The following COBL variants were observed in gnomAD, a reference collection of about 807,000 sequenced individuals.
COBL encodes protein cordon-bleu.
In COBL, 51 loss-of-function variants were observed where a neutral mutation model predicts 98.8. That is an observed-to-expected ratio of 0.52 (90% CI 0.41 to 0.65). COBL has a LOEUF of 0.65. Ranked by LOEUF, COBL falls within the 30% of genes least tolerant of loss-of-function variation. The pLI, the probability that COBL is intolerant of heterozygous loss-of-function variation, is 0.00. For missense variants in COBL, 1,617 were observed against 1,617.5 expected (o/e 1.00, Z 0.01); for synonymous variants, 634 against 651.7 (o/e 0.97, Z 0.41).
intron 5 of COBL, among the ~76,000 whole-genome samples, chr7:51,167,613 T>C (rs1206860911): frequency 1.3e-5 from 2 of 152,072 alleles, no homozygotes; most frequent in African/African-American, 4.8e-5. Flanking sequence ...AGAGCGAGAA[T>C]AGTCAAAGCT....
At chr7:51,172,934 G>T (rs918359272) in intron 5 of COBL, among the ~76,000 whole-genome samples, 1 of 151,290 alleles carries the variant, frequency 6.6e-6, no homozygotes, top group African/African-American at 2.4e-5. Flanking sequence ...GATTACAAGT[G>T]TGTATCACCA....
intron 7 of COBL, among the ~76,000 whole-genome samples, chr7:51,081,759 T>C (rs1793687605): frequency 6.6e-6 from 1 of 152,126 alleles, no homozygotes; most frequent in South Asian, 2.1e-4. Flanking sequence ...TCCCTCACTT[T>C]TTCCTGCAGG....
chr7:51,017,647 G>T, intron 12 of COBL, 79 bp from the exon 13 acceptor site: 1 of 1,429,278 alleles, frequency 7.0e-7, no homozygotes, highest in Non-Finnish European at 9.9e-7. Flanking sequence ...AGAGAGCTCT[G>T]TGCACAGCCA....
chr7:51,191,703 T>C (rs1259425712), intron 3 of COBL, among the ~76,000 whole-genome samples: 1 of 152,128 alleles, frequency 6.6e-6, no homozygotes, highest in Non-Finnish European at 1.5e-5. Flanking sequence ...CAGGCATATA[T>C]AATAATCAGG....
intron 8 of COBL, chr7:51,035,963 C>G (rs538918625): frequency 7.2e-5 from 11 of 152,284 alleles, no homozygotes; most frequent in African/African-American, 2.6e-4. Flanking sequence ...TTATGCAATC[C>G]TCTCTCTGTA....
At chr7:51,286,882 G>A (rs1800416238) in intron 1 of COBL, among the ~76,000 whole-genome samples, 1 of 152,082 alleles carries the variant, frequency 6.6e-6, no homozygotes. Flanking sequence ...TGGTGGACTG[G>A]ATTAAAAAAA....
rs778591123 is a variant in COBL at position 51,017,601 on chromosome 7, A to G, written c.3769-33T>C. ...GAAGAGAGATTCACAGTTATTTGGTATGTCAATAAGCCCAGGATGCAGATC... is the reference window on the plus strand; with the variant it reads ...GAAGAGAGATTCACAGTTATTTGGTGTGTCAATAAGCCCAGGATGCAGATC... On this transcript the variant is annotated intron_variant, in intron 12 of 12. Transcript: ENST00000265136. 6.8e-6 allele frequency: 11 copies of G among 1,612,640 alleles called. No homozygotes were observed. In the South Asian group the frequency reaches 1.2e-4, roughly 18 times the overall value.
chr7:51,204,539 C>CA (rs1056747386), intron 2 of COBL, among the ~76,000 whole-genome samples: 3 of 145,574 alleles, frequency 2.1e-5, no homozygotes, highest in Admixed American at 6.9e-5. Flanking sequence ...AAAATCAATA[C>CA]AAAAAAATCA....
intron 2 of COBL, among the ~76,000 whole-genome samples, chr7:51,206,777 CAA>C (rs1224188043): frequency 6.6e-6 from 1 of 152,200 alleles, no homozygotes; most frequent in African/African-American, 2.4e-5. Context: ...GACAGAAAGA[CAA>C]ACACACCACC....
chr7:51,104,951 A>G (rs1796124454), intron 6 of COBL, among the ~76,000 whole-genome samples: 1 of 152,182 alleles, frequency 6.6e-6, no homozygotes, highest in Non-Finnish European at 1.5e-5. Flanking sequence ...AACACAATGT[A>G]GAGTGGGGGT....
Position 51,029,330 on chromosome 7 carries a change from G to A in COBL, c.1766C>T (p.Pro589Leu), listed in dbSNP as rs1219529029. ...LAPLQAEHSQPHEKAREEVPA... is the reference protein window; with the variant it reads ...LAPLQAEHSQLHEKAREEVPA... ...TACTTCCTCCCTTGCCTTTTCATGGGGCTGGCTGTGCTCAGCTTGAAGTGG... is the reference window on the plus strand; with the variant it reads ...TACTTCCTCCCTTGCCTTTTCATGGAGCTGGCTGTGCTCAGCTTGAAGTGG... The change falls in exon 10 of 13, where the codon CCC becomes CTC. Residue 589 changes from proline (P) to leucine (L), a missense_variant. Pro to Leu is a moderately conservative substitution (Grantham distance 98). Around this residue, in one of 3 missense-constraint regions of COBL, gnomAD observed 1,304 missense variants for 1,282.0 expected, o/e 1.02. Coordinates refer to ENST00000265136, the MANE Select transcript of COBL (RefSeq NM_015198.5). 6.2e-7 allele frequency: 1 copy of A among 1,602,260 alleles called. No homozygotes were observed. The highest frequency in any genetic ancestry group is 1.7e-5 in the Admixed American group (1 of 59,504).
At chr7:51,105,976 T>A (rs1469601949) in intron 6 of COBL, among the ~76,000 whole-genome samples, 1 of 149,342 alleles carries the variant, frequency 6.7e-6, no homozygotes, top group East Asian at 2.0e-4. Flanking sequence ...CCCCACTGCC[T>A]GAGGTCAGGA....
chr7:51,267,655 G>A (rs1183169536), intron 1 of COBL, among the ~76,000 whole-genome samples: 1 of 152,032 alleles, frequency 6.6e-6, no homozygotes, highest in Non-Finnish European at 1.5e-5. Context: ...GCTCACTGCA[G>A]CCTCTGCCTC....
chr7:51,171,316 AG>A (rs1248810250), intron 5 of COBL, among the ~76,000 whole-genome samples: 2 of 152,200 alleles, frequency 1.3e-5, no homozygotes, highest in African/African-American at 4.8e-5. Context: ...GGATCATCAA[AG>A]GATCATTCAA....
intron 1 of COBL, among the ~76,000 whole-genome samples, chr7:51,268,535 G>A (rs1398797271): frequency 2.0e-5 from 3 of 152,210 alleles, no homozygotes; most frequent in African/African-American, 7.2e-5. Context: ...GCAAGGCAGC[G>A]TTAGGTATGT....
chr7:51,137,681 C>G (rs922033513), intron 5 of COBL, among the ~76,000 whole-genome samples: 1 of 151,998 alleles, frequency 6.6e-6, no homozygotes, highest in Non-Finnish European at 1.5e-5. Context: ...TCTTTGTCTC[C>G]CATTAAGATG....
At chr7:51,042,979 G>A (rs1789350233) in intron 8 of COBL, among the ~76,000 whole-genome samples, 1 of 152,144 alleles carries the variant, frequency 6.6e-6, no homozygotes, top group African/African-American at 2.4e-5. Context: ...TTCTAGAAAA[G>A]TCTCTACATG....
At chr7:51,169,022 T>A (rs1183908870) in intron 5 of COBL, among the ~76,000 whole-genome samples, 1 of 152,008 alleles carries the variant, frequency 6.6e-6, no homozygotes, top group African/African-American at 2.4e-5. Flanking sequence ...GAAGAGGGGG[T>A]TGGACATGCC....
At chr7:51,078,666 A>T (rs1793321212) in intron 7 of COBL, among the ~76,000 whole-genome samples, 2 of 152,242 alleles carry the variant, frequency 1.3e-5, no homozygotes. Context: ...GAATCTAAGC[A>T]TGGCTTTGCT....
Sources: allele counts gnomAD v4.1 joint callset (sites outside exome capture counted in the v4.1 genomes callset), GRCh38; gene constraint gnomAD v4.1.1; regional missense constraint gnomAD v4.1.1; transcripts MANE v1.5; gene names NCBI Gene and HGNC (gene_info 2026-07-23, HGNC 2026-07-21).